Variants in WDR72 observed in about 807,000 individuals in gnomAD.
The protein encoded by WDR72 is WD repeat domain 72.
A neutral mutation model predicts 124.2 loss-of-function variants in WDR72; 120 were observed. The ratio of observed to expected loss-of-function variants is 0.97; its 90% CI spans 0.83 to 1.12. The LOEUF is 1.12. Ranked by LOEUF, WDR72 falls within the 50% of genes most tolerant of loss-of-function variation. The pLI, the probability that WDR72 is intolerant of heterozygous loss-of-function variation, is 0.00. For synonymous variants in WDR72, 452 were observed against 441.7 expected, an observed-to-expected ratio of 1.02 and a Z score of -0.29; for missense variants, 1,387 against 1,278.8, an observed-to-expected ratio of 1.08 and a Z score of -1.29.
intron 14 of WDR72, among the ~76,000 whole-genome samples, chr15:53,630,082 G>T (rs2014365284): frequency 8.5e-6 from 1 of 118,262 alleles, no homozygotes; most frequent in Non-Finnish European, 1.7e-5. Flanking sequence ...GAAATACTAT[G>T]AATCTGCCAG....
chr15:53,694,631 A>G (rs1381308829), intron 13 of WDR72, among the ~76,000 whole-genome samples: 1 of 152,146 alleles, frequency 6.6e-6, no homozygotes, highest in African/African-American at 2.4e-5. Flanking sequence ...TTTGCATTGC[A>G]CGATAAGTGA....
chr15:53,738,641 T>C (rs191677691), intron 1 of WDR72, among the ~76,000 whole-genome samples: 125 of 152,298 alleles, frequency 8.2e-4, no homozygotes, highest in Non-Finnish European at 1.1e-3. Flanking sequence ...TTGTCGCCCA[T>C]GCTGAAGTGC....
chr15:53,539,942 T>C lies in WDR72; in HGVS notation c.3149-16620A>G, dbSNP rs184956247. On this transcript the variant is annotated intron_variant, in intron 18 of 19. Transcript: ENST00000360509. The stretch of plus-strand genomic sequence containing the variant: ...TTAAGCAAGATTAAAGATAAAAGGA[T>C]AGACAGGATATAAATAAATTTTTAA... Among the ~76,000 whole-genome samples, 165 of 152,208 alleles carry C rather than the reference T, an allele frequency of 1.1e-3. 1 individual carries two copies. Among genetic ancestry groups the C allele is most frequent in the African/African-American group, 3.8e-3 (159 of 41,526 alleles).
intron 14 of WDR72, among the ~76,000 whole-genome samples, chr15:53,641,283 C>CT (rs998168190): frequency 6.6e-6 from 1 of 151,788 alleles, no homozygotes; most frequent in Non-Finnish European, 1.5e-5. Context: ...CCTGGACCAT[C>CT]TTTTTTTTCC....
intron 9 of WDR72, among the ~76,000 whole-genome samples, chr15:53,709,455 T>G (rs112791800): frequency 1.3e-5 from 2 of 152,228 alleles, no homozygotes; most frequent in Non-Finnish European, 2.9e-5. Flanking sequence ...TATTTTTTAA[T>G]TGTTGTATTC....
chr15:53,646,001 G>A (rs1469262890), intron 14 of WDR72, among the ~76,000 whole-genome samples: 1 of 152,130 alleles, frequency 6.6e-6, no homozygotes, highest in Non-Finnish European at 1.5e-5. Context: ...CAGGGAACCT[G>A]GATGTATGAT....
Position 53,629,298 on chromosome 15 carries a change from A to G in WDR72, c.1963-13055T>C, listed in dbSNP as rs941473331. On this transcript the variant is annotated intron_variant, in intron 14 of 19. Coordinates refer to ENST00000360509, the MANE Select transcript of WDR72 (RefSeq NM_182758.4). ...TTCTCTAGAAATGAGCTTGCAAACC[A>G]AACTTCTATAACACAGGGAAACTAA... 2.6e-5 allele frequency among the ~76,000 whole-genome samples: 4 copies of G among 152,224 alleles called. No individual in the cohort carries two copies. In the East Asian group the frequency reaches 7.7e-4, roughly 29 times the overall value.
intron 18 of WDR72, among the ~76,000 whole-genome samples, chr15:53,588,250 A>G (rs943080177): frequency 6.6e-6 from 1 of 152,038 alleles, no homozygotes; most frequent in African/African-American, 2.4e-5. Context: ...CACCCATCAT[A>G]CACCATGTGG....
intron 1 of WDR72, among the ~76,000 whole-genome samples, chr15:53,745,857 T>C (rs1343269457): frequency 6.6e-6 from 1 of 152,036 alleles, no homozygotes; most frequent in Non-Finnish European, 1.5e-5. Context: ...AAGAAATGAG[T>C]GGCCGAGACA....
intron 16 of WDR72, among the ~76,000 whole-genome samples, chr15:53,609,981 A>G (rs904704819): frequency 1.4e-4 from 21 of 152,216 alleles, no homozygotes; most frequent in Non-Finnish European, 2.8e-4. Flanking sequence ...AGATCACCAA[A>G]TCTTACAATT....
rs1016507722 is a variant in WDR72 at position 53,516,817 on chromosome 15, T to C, written c.*882A>G. The C allele has an allele frequency of 6.6e-6, 1 of 152,100 alleles. No individual in the cohort carries two copies. The highest frequency in any genetic ancestry group is 1.5e-5 in the Non-Finnish European group (1 of 67,986). The allele number at this position is 152,100 out of a possible 1,614,324, so 9.4% of individuals were successfully genotyped here. A position where few individuals can be genotyped will look rare whatever the true frequency, so the allele number is the denominator to read the frequency against. The stretch of plus-strand genomic sequence containing the variant: ...ACTGTACAATATAAATCATAGTAAA[T>C]AGATCACCAAAGGCTTTAATAGAAG... On this transcript the variant is annotated 3_prime_UTR_variant, in exon 20 of 20. Transcript: ENST00000360509.
At chr15:53,586,837 T>G (rs371470345) in intron 18 of WDR72, among the ~76,000 whole-genome samples, 1 of 152,024 alleles carries the variant, frequency 6.6e-6, no homozygotes, top group Non-Finnish European at 1.5e-5. Flanking sequence ...AAAGCAAACA[T>G]GGGAGAGAAA....
chr15:53,712,595 A>ACC (rs11418021), intron 7 of WDR72, among the ~76,000 whole-genome samples, 177 bp downstream of exon 7: 10 of 124,540 alleles, frequency 8.0e-5, no homozygotes, highest in African/African-American at 2.5e-4. Context: ...ACTGTCAACC[A>ACC]CCCCACCGCC....
rs2140210995 is a variant in WDR72, at chr15:53,523,221, G to C, written c.3250C>G (p.Pro1084Ala). 1 of 1,612,700 alleles carries C rather than the reference G, an allele frequency of 6.2e-7. No homozygotes were observed. The highest frequency in any genetic ancestry group is 2.2e-5 in the East Asian group (1 of 44,828). ...DRCALEESES[P>A]GEPRHHSWIA... ...ACTATTTTTAAATGGCTTTCACCTG[G>C]ACTCTCAGACTCTTCCAAGGCACAT... The change falls in exon 19 of 20, where the codon CCA (proline) becomes GCA (alanine). Residue 1084 changes from proline (P) to alanine (A), a missense_variant. Coordinates refer to ENST00000360509, the MANE Select transcript of WDR72 (RefSeq NM_182758.4).
At chr15:53,646,198 A>G (rs1301508085) in intron 14 of WDR72, among the ~76,000 whole-genome samples, 2 of 152,234 alleles carry the variant, frequency 1.3e-5, no homozygotes, top group African/African-American at 2.4e-5. Context: ...GTTTATTTCT[A>G]CTTCTCAAAA....
intron 18 of WDR72, among the ~76,000 whole-genome samples, chr15:53,546,081 T>G (rs1425101908): frequency 7.0e-6 from 1 of 142,046 alleles, no homozygotes; most frequent in Non-Finnish European, 1.5e-5. Context: ...GTAAACTACT[T>G]CAACCATTGT....
At chr15:53,745,529 G>A (rs12905575) in intron 1 of WDR72, among the ~76,000 whole-genome samples, 20,952 of 152,068 alleles carry the variant, frequency 0.14, 1,904 homozygotes, top group Middle Eastern at 0.2. Flanking sequence ...GTCAGATTTA[G>A]CAAATAAAGA....
chr15:53,735,189 G>A (rs1484595454), intron 1 of WDR72, among the ~76,000 whole-genome samples: 4 of 152,128 alleles, frequency 2.6e-5, no homozygotes, highest in Admixed American at 6.5e-5. Flanking sequence ...ACCTCGGGAG[G>A]CTGAGGTGGG....
At chr15:53,583,200 C>A (rs2012023443) in intron 18 of WDR72, among the ~76,000 whole-genome samples, 1 of 151,756 alleles carries the variant, frequency 6.6e-6, no homozygotes. Flanking sequence ...TAGTGTTCCT[C>A]TCAATAAAGT....
Sources: allele counts gnomAD v4.1 joint callset (sites outside exome capture counted in the v4.1 genomes callset), GRCh38; gene constraint gnomAD v4.1.1; transcripts MANE v1.5; gene names NCBI Gene and HGNC (gene_info 2026-07-23, HGNC 2026-07-21).